Variants in MLXIP observed in about 807,000 individuals in gnomAD.
MLXIP encodes MLX-interacting protein.
In MLXIP, 30 loss-of-function variants were observed where a neutral mutation model predicts 87.2. That is an observed-to-expected ratio of 0.34 (90% CI 0.26 to 0.47). The LOEUF (loss-of-function observed/expected upper bound fraction) is 0.47, where lower values mean the gene tolerates loss of function less well. Among genes scored for constraint, MLXIP ranks in the 20% least tolerant of loss-of-function variants. The pLI is 1.00. For synonymous variants in MLXIP, 530 were observed against 514.0 expected (o/e 1.03, Z -0.42); for missense variants, 1,002 against 1,240.1 (o/e 0.81, Z 2.88).
chr12:122,129,562 G>A lies in MLXIP; in HGVS notation c.697-26G>A, dbSNP rs377417962. 163 of 1,612,410 alleles carry A rather than the reference G, an allele frequency of 1.0e-4. No homozygotes were observed. In the African/African-American group the frequency reaches 1.8e-3, roughly 18 times the overall value. On this transcript the variant is annotated intron_variant, in intron 4 of 16. Transcript: ENST00000319080. The stretch of plus-strand genomic sequence containing the variant: ...GGCCCTCCTAGGGCCATTGGTGACC[G>A]CCGTGTCCTGTCCCTTTGCCCACAG...
intron 1 of MLXIP, among the ~76,000 whole-genome samples, chr12:122,094,924 GTGT>G (rs1379113859): frequency 2.7e-5 from 4 of 146,208 alleles, no homozygotes; most frequent in East Asian, 2.1e-4. Flanking sequence ...GCATTGTCTG[GTGT>G]TGGTGTGTGA....
rs1460740776 is a variant in MLXIP at position 122,133,646 on chromosome 12, C to A, written c.1391C>A (p.Ala464Asp). The change falls in exon 9 of 17, where the codon GCT becomes GAT. Residue 464 changes from alanine to aspartate, a missense_variant. Around this residue, in one of 3 missense-constraint regions of MLXIP, gnomAD observed 746 missense variants for 897.0 expected, o/e 0.83. Coordinates refer to ENST00000319080, the MANE Select transcript of MLXIP (RefSeq NM_014938.6). This position sits in a 1 kb window ranked among gnomAD's most constrained non-coding sequence, Gnocchi z 4.9. ...PPPATALNPPAPPTFHQPQKF... is the reference protein window; with the variant it reads ...PPPATALNPPDPPTFHQPQKF... Reference sequence around the variant, plus strand: ...CCTGCCACTGCCCTGAACCCCCCGGCTCCACCCACCTTCCATCAGCCACAG... The same window carrying A: ...CCTGCCACTGCCCTGAACCCCCCGGATCCACCCACCTTCCATCAGCCACAG... 6.2e-7 allele frequency: 1 copy of A among 1,613,268 alleles called. No homozygotes were observed. Among genetic ancestry groups the A allele is most frequent in the Non-Finnish European group, 8.5e-7 (1 of 1,179,684 alleles).
rs549319064 is a variant in MLXIP at position 122,126,597 on chromosome 12, C to T, written c.414-659C>T. Among the ~76,000 whole-genome samples, 5 of 152,244 alleles carry T rather than the reference C, an allele frequency of 3.3e-5. No individual in the cohort carries two copies. In the South Asian group the frequency reaches 1.0e-3, roughly 32 times the overall value. On this transcript the variant is annotated intron_variant, in intron 1 of 16. Transcript: ENST00000319080. The stretch of plus-strand genomic sequence containing the variant: ...TCGGGTACTTGGATTGTGAATGCCT[C>T]GTGGGGGCTGGTGGCAAAGCAGGCA...
intron 13 of MLXIP, 48 bp downstream of exon 13, chr12:122,138,343 G>T (rs775628421): frequency 3.7e-6 from 6 of 1,611,934 alleles, no homozygotes; most frequent in Non-Finnish European, 5.1e-6. Flanking sequence ...GAGCTGGCAG[G>T]ACGTGCTCCC....
rs912371329 is a variant in MLXIP at position 122,143,845 on chromosome 12, C to T, written c.*2033C>T. ...ACCTCTCCCTCTGCTGACTTAATGT[C>T]GTGATTCTGTTTCTTCAGATATTTA... On this transcript the variant is annotated 3_prime_UTR_variant, in exon 17 of 17. Transcript: ENST00000319080. 4 of 152,434 alleles carry T rather than the reference C, an allele frequency of 2.6e-5. No individual in the cohort carries two copies. Among genetic ancestry groups the T allele is most frequent in the African/African-American group, 7.2e-5 (3 of 41,438 alleles). The allele number at this position is 152,434 out of a possible 1,614,324, so 9.4% of individuals were successfully genotyped here.
rs757015722 is a variant in MLXIP at position 122,133,731 on chromosome 12, C to A, written c.1476C>A (p.Leu492=). Residue 492 remains leucine (L), a synonymous_variant, in exon 9 of 17, where the codon CTC becomes CTA. Coordinates refer to ENST00000319080, the MANE Select transcript of MLXIP (RefSeq NM_014938.6). The surrounding 1 kb of genome is among the most constrained non-coding windows in gnomAD (Gnocchi z 4.9). ...SVITHTASAT[L]THDAPATTFS... ...TCACCCACACGGCCTCTGCCACCCTCACCCACGATGCCCCCGCCACCACCT... is the reference window on the plus strand; with the variant it reads ...TCACCCACACGGCCTCTGCCACCCTAACCCACGATGCCCCCGCCACCACCT... The A allele has an allele frequency of 8.1e-6, 13 of 1,613,604 alleles. No individual in the cohort carries two copies. In the Admixed American group the frequency reaches 1.8e-4, roughly 23 times the overall value.
In MLXIP at chr12:122,119,382, G is replaced by GTTTTT. The variant is rs1243345124; in HGVS notation, c.414-7871_414-7867dup. Among the ~76,000 whole-genome samples the GTTTTT allele has an allele frequency of 3.1e-4, 47 of 151,874 alleles. 1 individual carries two copies. Among genetic ancestry groups the GTTTTT allele is most frequent in the African/African-American group, 1.0e-3 (42 of 41,420 alleles). On this transcript the variant is annotated intron_variant, in intron 1 of 16. Transcript: ENST00000319080. ...AGTGTTCCACTGTGTAGATATGCCAGTTTTTTTGTTTTGTTTTGTTTTGTT... is the reference window on the plus strand; with the variant it reads ...AGTGTTCCACTGTGTAGATATGCCAGTTTTTTTTTTTTGTTTTGTTTTGTTTTGTT...
chr12:122,119,203 CAAACAAAA>C (rs1169740468), intron 1 of MLXIP, among the ~76,000 whole-genome samples: 1 of 151,290 alleles, frequency 6.6e-6, no homozygotes, highest in East Asian at 1.9e-4. Context: ...ACAAAACAAA[CAAACAAAA>C]AAACAGAAAA....
Position 122,079,288 on chromosome 12 carries a change from T to C in MLXIP, c.413+22T>C, listed in dbSNP as rs192516463. Reference sequence around the variant, plus strand: ...ACAGGTAGGGACCCCCGCGACCCCCTGAGGCCCCGGCCGGAGGCCCTTGTT... The same window carrying C: ...ACAGGTAGGGACCCCCGCGACCCCCCGAGGCCCCGGCCGGAGGCCCTTGTT... On this transcript the variant is annotated intron_variant, in intron 1 of 16. Transcript: ENST00000319080. 5.7e-3 allele frequency: 8,794 copies of C among 1,542,752 alleles called. 166 individuals are homozygous for C. Among genetic ancestry groups the C allele is most frequent in the Admixed American group, 0.051 (2,539 of 50,030 alleles).
chr12:122,110,552 G>C (rs1424400265), intron 1 of MLXIP, among the ~76,000 whole-genome samples: 1 of 151,936 alleles, frequency 6.6e-6, no homozygotes, highest in Non-Finnish European at 1.5e-5. Flanking sequence ...CTCCTAAAGT[G>C]CTGGGATTAC....
chr12:122,096,751 A>T (rs1952358224), intron 1 of MLXIP, among the ~76,000 whole-genome samples: 1 of 152,090 alleles, frequency 6.6e-6, no homozygotes, highest in African/African-American at 2.4e-5. Context: ...TGCTCTGCTG[A>T]CAGACCCCCG....
At chr12:122,116,145 A>G (rs1952688370) in intron 1 of MLXIP, among the ~76,000 whole-genome samples, 1 of 152,046 alleles carries the variant, frequency 6.6e-6, no homozygotes, top group Non-Finnish European at 1.5e-5. Flanking sequence ...GTAATGTCCC[A>G]AAGCCAATTT....
In MLXIP at chr12:122,142,382, C is replaced by G; in HGVS notation, c.*570C>G. 1 of 527,082 alleles carries G rather than the reference C, an allele frequency of 1.9e-6. No homozygotes were observed. The highest frequency in any genetic ancestry group is 1.6e-5 in the South Asian group (1 of 63,790). The allele number at this position is 527,082 out of a possible 1,614,324, so 32.7% of individuals were successfully genotyped here. A position where few individuals can be genotyped will look rare whatever the true frequency, so the allele number is the denominator to read the frequency against. Reference sequence around the variant, plus strand: ...TTCAGGCTTATGCATGGCAGGCTGCCAGGGGGAAGTGCCTTCTTCAGAGGT... The same window carrying G: ...TTCAGGCTTATGCATGGCAGGCTGCGAGGGGGAAGTGCCTTCTTCAGAGGT... On this transcript the variant is annotated 3_prime_UTR_variant, in exon 17 of 17. Transcript: ENST00000319080.
At chr12:122,101,634 G>T (rs536414162) in intron 1 of MLXIP, among the ~76,000 whole-genome samples, 1 of 136,872 alleles carries the variant, frequency 7.3e-6, no homozygotes, top group Admixed American at 7.8e-5. Context: ...AGGCTGGAGT[G>T]CAGTGGCGGG....
Position 122,133,312 on chromosome 12 carries a change from C to A in MLXIP, c.1093-36C>A, listed in dbSNP as rs1052607039. ...GCGCTAGAAAGGAATTGTCTGACCC[C>A]AGCATTGCTTCCTGGCTCCTTTCTT... On this transcript the variant is annotated intron_variant, in intron 8 of 16. Coordinates refer to ENST00000319080, the MANE Select transcript of MLXIP (RefSeq NM_014938.6). This position sits in a 1 kb window ranked among gnomAD's most constrained non-coding sequence, Gnocchi z 4.9. 1.3e-6 allele frequency: 2 copies of A among 1,528,310 alleles called. No individual in the cohort carries two copies. The highest frequency in any genetic ancestry group is 1.4e-5 in the African/African-American group (1 of 72,586). The allele number at this position is 1,528,310 out of a possible 1,614,324, so 94.7% of individuals were successfully genotyped here.
chr12:122,081,286 C>T (rs372370739), intron 1 of MLXIP, among the ~76,000 whole-genome samples: 1 of 152,128 alleles, frequency 6.6e-6, no homozygotes. Context: ...CACAGGCCCT[C>T]GGATGGGATC....
At chr12:122,089,624 AT>A (rs949221176) in intron 1 of MLXIP, among the ~76,000 whole-genome samples, 43 of 147,774 alleles carry the variant, frequency 2.9e-4, no homozygotes, top group Non-Finnish European at 2.9e-4. Flanking sequence ...AGGTTCAGTG[AT>A]TTTTTTTTTT....
intron 1 of MLXIP, among the ~76,000 whole-genome samples, chr12:122,116,421 T>C (rs28626850): frequency 6.6e-6 from 1 of 152,004 alleles, no homozygotes; most frequent in South Asian, 2.1e-4. Context: ...TCAGAAAATA[T>C]GGGGCACATG....
chr12:122,085,369 C>T (rs1001582174), intron 1 of MLXIP, among the ~76,000 whole-genome samples: 3 of 152,040 alleles, frequency 2.0e-5, no homozygotes, highest in African/African-American at 7.2e-5. Context: ...AAGGGACACT[C>T]AGGGACCTGG....
Sources: allele counts gnomAD v4.1 joint callset (sites outside exome capture counted in the v4.1 genomes callset), GRCh38; gene constraint gnomAD v4.1.1; regional missense constraint gnomAD v4.1.1; non-coding constraint Gnocchi (gnomAD v3.1); transcripts MANE v1.5; gene names NCBI Gene and HGNC (gene_info 2026-07-23, HGNC 2026-07-21).